Variants in FARP1 observed in about 807,000 individuals in gnomAD.
The protein encoded by FARP1 is FERM, ARHGEF and pleckstrin domain-containing protein 1.
A neutral mutation model predicts 128.8 loss-of-function variants in FARP1; 52 were observed. That is an observed-to-expected ratio of 0.40 (90% CI 0.32 to 0.51). The LOEUF (loss-of-function observed/expected upper bound fraction) is 0.51, where lower values mean the gene tolerates loss of function less well. Among genes scored for constraint, FARP1 ranks in the 20% least tolerant of loss-of-function variants. FARP1 has a pLI of 0.45. For synonymous variants in FARP1, 580 were observed against 551.8 expected (o/e 1.05, Z -0.72); for missense variants, 1,333 against 1,367.9 (o/e 0.97, Z 0.40).
chr13:98,300,660 C>T (rs1313764628), intron 2 of FARP1, among the ~76,000 whole-genome samples: 1 of 152,208 alleles, frequency 6.6e-6, no homozygotes, highest in Non-Finnish European at 1.5e-5. Context: ...CCAGCAGGGC[C>T]ACCCTTCCCC....
In FARP1 at chr13:98,177,126, C is replaced by T. The variant is rs1481767752; in HGVS notation, c.-24+33634C>T. The T allele has an allele frequency of 3.1e-6, 5 of 1,603,676 alleles. No individual in the cohort carries two copies. The South Asian group carries it at 3.3e-5, about 11-fold the overall frequency. On this transcript the variant is annotated intron_variant, in intron 1 of 26. Coordinates refer to ENST00000319562, the MANE Select transcript of FARP1 (RefSeq NM_005766.4). ...TCTCTCCGTGCTCGGGGTCGCAGGC[C>T]GGGCGCTTTCTGAGGCCTGCAGCCC...
chr13:98,331,377 C>G (rs1245723885), intron 2 of FARP1, among the ~76,000 whole-genome samples: 2 of 152,116 alleles, frequency 1.3e-5, no homozygotes, highest in African/African-American at 2.4e-5. Flanking sequence ...GTTTCTTAGT[C>G]GTTTCCTCAT....
At position 98,421,413 on chromosome 13, in the gene FARP1, G is replaced by T. The variant is rs149517931; in HGVS notation, c.1827-3159G>T. Among the ~76,000 whole-genome samples, 410 of 152,282 alleles carry T rather than the reference G, an allele frequency of 2.7e-3. 2 individuals carry two copies. Among genetic ancestry groups the T allele is most frequent in the African/African-American group, 9.1e-3 (378 of 41,536 alleles). On this transcript the variant is annotated intron_variant, in intron 16 of 26. Coordinates refer to ENST00000319562, the MANE Select transcript of FARP1 (RefSeq NM_005766.4). ...GAGAGAGAGGATATTGCTTGTTACT[G>T]ATGGAAGCCAGAATCCTCCCCATTT...
At chr13:98,421,184 G>A (rs77680771) in intron 16 of FARP1, among the ~76,000 whole-genome samples, 11 of 152,358 alleles carry the variant, frequency 7.2e-5, no homozygotes, top group African/African-American at 2.2e-4. Context: ...TACCATGAAC[G>A]ATGCTGGGGA....
chr13:98,421,848 A>C (rs1891605730), intron 16 of FARP1, among the ~76,000 whole-genome samples: 1 of 151,748 alleles, frequency 6.6e-6, no homozygotes, highest in South Asian at 2.1e-4. Flanking sequence ...GCAAGACCCC[A>C]TATCTTTAAA....
chr13:98,249,070 G>A (rs1883205246), intron 2 of FARP1, among the ~76,000 whole-genome samples: 1 of 152,122 alleles, frequency 6.6e-6, no homozygotes, highest in Admixed American at 6.5e-5. Flanking sequence ...TTCAGTTGAT[G>A]AGAATATGAC....
intron 3 of FARP1, among the ~76,000 whole-genome samples, chr13:98,352,889 A>C (rs1351190376): frequency 6.6e-6 from 1 of 152,194 alleles, no homozygotes; most frequent in Non-Finnish European, 1.5e-5. Context: ...CTATAGATTA[A>C]ACAATATAAA....
intron 1 of FARP1, among the ~76,000 whole-genome samples, chr13:98,161,211 A>G (rs2032612405): frequency 1.3e-5 from 2 of 149,398 alleles, no homozygotes; most frequent in Admixed American, 1.3e-4. Context: ...ATCTTGCTTC[A>G]GTAATTTTTT....
Position 98,268,778 on chromosome 13 carries a change from T to TTGTGTGTGTGTG in FARP1, c.171+55395_171+55406dup, listed in dbSNP as rs59132299. Among the ~76,000 whole-genome samples, 267 of 148,276 alleles carry TTGTGTGTGTGTG rather than the reference T, an allele frequency of 1.8e-3. 1 individual carries two copies. Among genetic ancestry groups the TTGTGTGTGTGTG allele is most frequent in the African/African-American group, 4.5e-3 (182 of 40,298 alleles). On this transcript the variant is annotated intron_variant, in intron 2 of 26. Transcript: ENST00000319562. ...CTACTGCATCTGGCCTTTCCCTTCT[T>TTGTGTGTGTGTG]TGTGTGTGTGTGTGTGTGTGTGTGT...
chr13:98,385,401 G>A (rs1422150533), intron 7 of FARP1, among the ~76,000 whole-genome samples: 6 of 147,034 alleles, frequency 4.1e-5, no homozygotes, highest in African/African-American at 1.6e-4. Flanking sequence ...GAAACTCTTT[G>A]AGATTCCAAA....
intron 6 of FARP1, among the ~76,000 whole-genome samples, chr13:98,379,630 A>C (rs1342667865): frequency 1.3e-5 from 2 of 152,214 alleles, no homozygotes; most frequent in East Asian, 3.9e-4. Context: ...CCAAAAACTG[A>C]GGATGCTCAC....
intron 4 of FARP1, among the ~76,000 whole-genome samples, chr13:98,367,534 C>G (rs1375326653): frequency 6.7e-6 from 1 of 150,294 alleles, no homozygotes; most frequent in African/African-American, 2.5e-5. Context: ...CTTATTCAAT[C>G]TCTCCCTCCC....
chr13:98,288,035 C>T (rs1168730053), intron 2 of FARP1, among the ~76,000 whole-genome samples: 11 of 152,082 alleles, frequency 7.2e-5, no homozygotes, highest in Non-Finnish European at 4.4e-5. Context: ...CTCCTGACCT[C>T]GTGATCCGCC....
At chr13:98,328,571 T>C (rs1887334840) in intron 2 of FARP1, 1 of 152,228 alleles carries the variant, frequency 6.6e-6, no homozygotes, top group African/African-American at 2.4e-5. Context: ...CTGCAGATCT[T>C]AGCAACCTCA....
chr13:98,234,493 C>T (rs1882309165), intron 2 of FARP1: 1 of 152,168 alleles, frequency 6.6e-6, no homozygotes, highest in Non-Finnish European at 1.5e-5. Context: ...GCTTCAGCTT[C>T]ATTAAATACT....
Position 98,321,923 on chromosome 13 carries a change from C to T in FARP1, c.172-21839C>T, listed in dbSNP as rs964253084. Among the ~76,000 whole-genome samples, 12 of 152,368 alleles carry T rather than the reference C, an allele frequency of 7.9e-5. 2 individuals are homozygous for T. The highest frequency in any genetic ancestry group is 2.6e-4 in the African/African-American group (11 of 41,596). On this transcript the variant is annotated intron_variant, in intron 2 of 26. Transcript: ENST00000319562. ...AATAGCTGGGGCAGTTATCAACCTT[C>T]CCTGCTCTTCAGTTTCTTCCTCCAG...
At chr13:98,437,784 A>G in intron 19 of FARP1, 1 of 1,577,876 alleles carries the variant, frequency 6.3e-7, no homozygotes, top group Non-Finnish European at 8.6e-7. Flanking sequence ...CTTTTCCCTT[A>G]TTAGGACTCC....
intron 2 of FARP1, chr13:98,329,006 A>C (rs1304174721): frequency 2.6e-5 from 4 of 152,262 alleles, no homozygotes; most frequent in Non-Finnish European, 5.9e-5. Flanking sequence ...CCTGTACTCC[A>C]AGAGCACTGA....
chr13:98,223,073 CAG>C (rs1881522545), intron 2 of FARP1, among the ~76,000 whole-genome samples: 1 of 152,098 alleles, frequency 6.6e-6, no homozygotes, highest in South Asian at 2.1e-4. Context: ...GAAGCAATGT[CAG>C]GGGACTGACA....
Sources: gnomAD v4.1 joint callset for allele counts (sites outside exome capture counted in the v4.1 genomes callset) on GRCh38, gnomAD v4.1.1 for gene constraint, MANE v1.5 for transcripts, NCBI Gene and HGNC (gene_info 2026-07-23, HGNC 2026-07-21) for gene names.